The following SPIDR variants were observed in gnomAD, a reference collection of about 807,000 sequenced individuals.
SPIDR encodes the protein scaffold protein involved in DNA repair, also known as DNA repair-scaffolding protein.
A neutral mutation model predicts 104.6 loss-of-function variants in SPIDR; 93 were observed. The ratio of observed to expected loss-of-function variants is 0.89; its 90% confidence interval spans 0.75 to 1.06. The LOEUF (loss-of-function observed/expected upper bound fraction) is 1.06, where lower values mean the gene tolerates loss of function less well. Among genes scored for constraint, SPIDR ranks in the 50% least tolerant of loss-of-function variants. The probability of loss-of-function intolerance (pLI) is 0.00; values close to 1 mark genes in which losing one functional copy is unlikely to be tolerated. For missense variants in SPIDR, 1,154 were observed against 1,111.2 expected, an observed-to-expected ratio of 1.04 and a Z score of -0.55; for synonymous variants, 431 against 416.9, an observed-to-expected ratio of 1.03 and a Z score of -0.41.
intron 5 of SPIDR, among the ~76,000 whole-genome samples, chr8:47,352,045 G>A (rs1255192840): frequency 2.0e-5 from 3 of 152,230 alleles, no homozygotes; most frequent in Non-Finnish European, 2.9e-5. Flanking sequence ...TTGGGAGGCC[G>A]AGACAGGTGG....
intron 10 of SPIDR, among the ~76,000 whole-genome samples, chr8:47,652,119 TA>T (rs2154457460): frequency 6.6e-6 from 1 of 152,274 alleles, no homozygotes; most frequent in East Asian, 1.9e-4. Context: ...TTGAAATTTT[TA>T]AAAAATAAAT....
At chr8:47,291,215 A>G in intron 4 of SPIDR, 78 bp downstream of exon 4, 3 of 935,172 alleles carry the variant, frequency 3.2e-6, no homozygotes, top group Non-Finnish European at 3.1e-6. Flanking sequence ...TAATGAAGGT[A>G]AATTGATAAT....
At chr8:47,388,675 C>G (rs925217287) in intron 5 of SPIDR, among the ~76,000 whole-genome samples, 4 of 152,222 alleles carry the variant, frequency 2.6e-5, no homozygotes, top group Non-Finnish European at 5.9e-5. Flanking sequence ...GAAGTCTTAT[C>G]CTAGACACAT....
At chr8:47,509,467 A>G (rs1011407860) in intron 8 of SPIDR, among the ~76,000 whole-genome samples, 1 of 152,188 alleles carries the variant, frequency 6.6e-6, no homozygotes, top group Non-Finnish European at 1.5e-5. Flanking sequence ...TAAACTATGC[A>G]GAAGGTAGAA....
intron 5 of SPIDR, among the ~76,000 whole-genome samples, chr8:47,345,694 G>T (rs1554617451): frequency 6.6e-6 from 1 of 152,112 alleles, no homozygotes; most frequent in African/African-American, 2.4e-5. Flanking sequence ...TTGTAAGTTG[G>T]ATTGCTAGGT....
chr8:47,287,433 A>T (rs2039054615), intron 3 of SPIDR, among the ~76,000 whole-genome samples: 1 of 151,996 alleles, frequency 6.6e-6, no homozygotes. Flanking sequence ...ACCAGGGTGG[A>T]TTTTTTTTCC....
intron 5 of SPIDR, among the ~76,000 whole-genome samples, chr8:47,337,673 A>G (rs1248984862): frequency 6.7e-6 from 1 of 149,624 alleles, no homozygotes; most frequent in Non-Finnish European, 1.5e-5. Context: ...GGTCATGAAG[A>G]TTTATACCTG....
chr8:47,483,975 C>T (rs1163207117), intron 8 of SPIDR, among the ~76,000 whole-genome samples: 5 of 149,166 alleles, frequency 3.4e-5, no homozygotes, highest in African/African-American at 1.3e-4. Context: ...CCAAGTACAG[C>T]TTCGTGTTAA....
At chr8:47,640,045 T>G (rs535350101) in intron 10 of SPIDR, among the ~76,000 whole-genome samples, 1 of 152,186 alleles carries the variant, frequency 6.6e-6, no homozygotes, top group Non-Finnish European at 1.5e-5. Context: ...TCAGCTCACG[T>G]GCATCCCCAG....
chr8:47,514,965 A>G (rs369398752), intron 8 of SPIDR, among the ~76,000 whole-genome samples: 19 of 152,200 alleles, frequency 1.2e-4, no homozygotes, highest in Admixed American at 8.5e-4. Context: ...TGTTAATCAT[A>G]AGGATTCACA....
At chr8:47,285,765 T>C (rs1277695124) in intron 3 of SPIDR, among the ~76,000 whole-genome samples, 1 of 152,178 alleles carries the variant, frequency 6.6e-6, no homozygotes, top group African/African-American at 2.4e-5. Context: ...TTGAAGACCA[T>C]GTCTTCAAAT....
rs557502242 is a variant in SPIDR at position 47,510,361 on chromosome 8, C to G, written c.1097+69819C>G. On this transcript the variant is annotated intron_variant, in intron 8 of 19. Coordinates refer to ENST00000297423, the MANE Select transcript of SPIDR (RefSeq NM_001080394.4). ...ACAGTTCTTTTGGAAATTAGCATAGCAATATGTAGCAAATGTCAAAAGAAA... is the reference window on the plus strand; with the variant it reads ...ACAGTTCTTTTGGAAATTAGCATAGGAATATGTAGCAAATGTCAAAAGAAA... Among the ~76,000 whole-genome samples the G allele has an allele frequency of 5.3e-5, 8 of 152,256 alleles. No individual in the cohort carries two copies. The South Asian group carries it at 1.7e-3, about 32-fold the overall frequency.
chr8:47,721,048 G>T (rs772496485), intron 16 of SPIDR, among the ~76,000 whole-genome samples: 1 of 152,090 alleles, frequency 6.6e-6, no homozygotes, highest in Non-Finnish European at 1.5e-5. Context: ...ATGAGCCACC[G>T]CTTCTGGCCC....
chr8:47,618,515 T>C (rs943447102), intron 10 of SPIDR, among the ~76,000 whole-genome samples: 1 of 152,216 alleles, frequency 6.6e-6, no homozygotes, highest in Non-Finnish European at 1.5e-5. Flanking sequence ...TTTCTAAATA[T>C]AAATTTTGAA....
intron 8 of SPIDR, among the ~76,000 whole-genome samples, chr8:47,580,622 C>G (rs755622480): frequency 5.3e-5 from 8 of 150,660 alleles, no homozygotes; most frequent in Non-Finnish European, 8.8e-5. Context: ...TAGATTCTCA[C>G]GTGCTTGGTC....
At chr8:47,503,077 T>A (rs2080811998) in intron 8 of SPIDR, among the ~76,000 whole-genome samples, 1 of 152,214 alleles carries the variant, frequency 6.6e-6, no homozygotes, top group East Asian at 1.9e-4. Context: ...AGTTTTGGAA[T>A]AGGTGTGTTG....
chr8:47,542,515 A>AT (rs549176023), intron 8 of SPIDR, among the ~76,000 whole-genome samples: 9 of 152,112 alleles, frequency 5.9e-5, no homozygotes, highest in East Asian at 5.8e-4. Context: ...GTAGCTAAGG[A>AT]TTTTTTTTAA....
intron 5 of SPIDR, among the ~76,000 whole-genome samples, chr8:47,295,961 CTTT>C (rs1479776520): frequency 6.6e-6 from 1 of 152,118 alleles, no homozygotes; most frequent in Non-Finnish European, 1.5e-5. Flanking sequence ...TATCTTTCAT[CTTT>C]TTGATAGTCT....
chr8:47,712,641 T>G (rs2082044123), intron 14 of SPIDR, 21 bp from the exon 15 acceptor site: 3 of 1,607,930 alleles, frequency 1.9e-6, no homozygotes, highest in Non-Finnish European at 2.6e-6. Flanking sequence ...AATTAATCTT[T>G]ATTGTGTCTT....
Sources: allele counts gnomAD v4.1 joint callset (sites outside exome capture counted in the v4.1 genomes callset), GRCh38; gene constraint gnomAD v4.1.1; transcripts MANE v1.5; gene names NCBI Gene and HGNC (gene_info 2026-07-23, HGNC 2026-07-21).